BRCA1: variants seen among roughly 807,000 people sequenced by gnomAD.
The protein encoded by BRCA1 is BRCA1 DNA repair associated.
Under a neutral mutation model 173.7 loss-of-function variants are expected in BRCA1, and 140 were observed. That is an observed-to-expected ratio of 0.81 (90% CI 0.70 to 0.93). The LOEUF (loss-of-function observed/expected upper bound fraction) is 0.93. BRCA1 is among the 40% of genes least tolerant of loss of function. The pLI, the probability that BRCA1 is intolerant of heterozygous loss-of-function variation, is 0.00. For missense variants in BRCA1, 1,983 were observed against 2,172.5 expected, an observed-to-expected ratio of 0.91 and a Z score of 1.73; for synonymous variants, 662 against 756.0, an observed-to-expected ratio of 0.88 and a Z score of 2.04.
Position 43,093,609 on chromosome 17 carries a change from A to G in BRCA1, c.1922T>C (p.Ile641Thr), listed in dbSNP as rs730881474. The change falls in exon 10 of 23, where the codon ATT (isoleucine) becomes ACT (threonine). Residue 641 changes from isoleucine to threonine, a missense_variant. Coordinates refer to ENST00000357654, the MANE Select transcript of BRCA1 (RefSeq NM_007294.4). ...LSPPNCTELQ[I>T]DSCSSSEEIK... ...CTCTTCACTGCTAGAACAACTATCA[A>G]TTTGCAATTCAGTACAATTAGGTGG... 14 of 1,613,838 alleles carry G rather than the reference A, an allele frequency of 8.7e-6. No homozygotes were observed. Among genetic ancestry groups the G allele is most frequent in the Non-Finnish European group, 1.1e-5 (13 of 1,179,990 alleles).
At chr17:43,070,579 G>GACA (rs370041241) in intron 15 of BRCA1, among the ~76,000 whole-genome samples, 17 of 152,304 alleles carry the variant, frequency 1.1e-4, no homozygotes, top group African/African-American at 4.1e-4. Context: ...ACCCATGTGA[G>GACA]ACAAGGGGGA....
chr17:43,097,169 A>G, intron 8 of BRCA1, 75 bp downstream of exon 8: 1 of 1,397,230 alleles, frequency 7.2e-7, no homozygotes, highest in Non-Finnish European at 1.0e-6. Flanking sequence ...TTTTAAAAAG[A>G]GAGAAACATC....
chr17:43,126,984 C>T (rs1394233992), upstream of BRCA1, among the ~76,000 whole-genome samples: 8 of 152,180 alleles, frequency 5.3e-5, no homozygotes, highest in East Asian at 3.9e-4. Flanking sequence ...GCAGAGGGTG[C>T]GCCGGGTCCC....
chr17:43,052,780 A>AACACACACAC (rs562562021), intron 19 of BRCA1, among the ~76,000 whole-genome samples: 95 of 118,078 alleles, frequency 8.0e-4, no homozygotes, highest in African/African-American at 2.4e-3. Context: ...GACGGACAGA[A>AACACACACAC]ACACACACAC....
chr17:43,157,783 G>T (rs1408746424), intron 1 of BRCA1, among the ~76,000 whole-genome samples: 2 of 152,018 alleles, frequency 1.3e-5, no homozygotes, highest in Admixed American at 6.6e-5. Flanking sequence ...GATCACCTGA[G>T]GCTGGGAGTT....
rs67060599 is a variant in BRCA1, at chr17:43,103,085, A to G, written c.441+1037T>C. 0.3 allele frequency among the ~76,000 whole-genome samples: 45,384 copies of G among 151,706 alleles called. 7,293 individuals are homozygous for G. The highest frequency in any genetic ancestry group is 0.49 in the South Asian group (2,362 of 4,806). On this transcript the variant is annotated intron_variant, in intron 6 of 22. Coordinates refer to ENST00000357654, the MANE Select transcript of BRCA1 (RefSeq NM_007294.4). The stretch of plus-strand genomic sequence containing the variant: ...GGCACCCAGCTGAAGTAATTTCCAA[A>G]TGCTTAAAAATATCAGTGACCTTAT...
chr17:43,100,685 A>G (rs1188672526), intron 6 of BRCA1, among the ~76,000 whole-genome samples: 8 of 10,194 alleles, frequency 7.8e-4, no homozygotes, highest in East Asian at 6.8e-3. Context: ...TATAATATAT[A>G]TATATATATA....
In BRCA1 at chr17:43,082,576, C is replaced by T. The variant is rs397509150; in HGVS notation, c.4186-1G>A. ...GGTTATGTTGCATGGTATCCCTCTG[C>T]TTCAAAAACGATAAATGGCACCAAG... On this transcript the variant is annotated splice_acceptor_variant, in intron 11 of 22. Coordinates refer to ENST00000357654, the MANE Select transcript of BRCA1 (RefSeq NM_007294.4). LOFTEE classifies it high-confidence loss of function. 1 of 1,614,056 alleles carries T rather than the reference C, an allele frequency of 6.2e-7. No homozygotes were observed. Among genetic ancestry groups the T allele is most frequent in the Non-Finnish European group, 8.5e-7 (1 of 1,179,988 alleles).
At chr17:43,123,053 T>C (rs2055652708) in intron 2 of BRCA1, among the ~76,000 whole-genome samples, 1 of 139,012 alleles carries the variant, frequency 7.2e-6, no homozygotes, top group African/African-American at 2.5e-5. Flanking sequence ...CAAGACTCCA[T>C]CTCAAAAAAA....
rs768092833 is a variant in BRCA1 at position 43,090,905 on chromosome 17, CCACACACACGCATGTGCA to C, written c.4185+21_4185+38del. 8 of 1,549,540 alleles carry C rather than the reference CCACACACACGCATGTGCA, an allele frequency of 5.2e-6. No homozygotes were observed. The highest frequency in any genetic ancestry group is 1.2e-5 in the South Asian group (1 of 86,760). ...TACATACTACTGAATGCAAAGGACA[CCACACACACGCATGTGCA>C]CACACACACACGCTTTTTACCTGAG... On this transcript the variant is annotated intron_variant, in intron 11 of 22. Coordinates refer to ENST00000357654, the MANE Select transcript of BRCA1 (RefSeq NM_007294.4).
At chr17:43,107,399 T>C (rs867564587) in intron 3 of BRCA1, among the ~76,000 whole-genome samples, 4 of 149,720 alleles carry the variant, frequency 2.7e-5, no homozygotes, top group Middle Eastern at 3.5e-3. Flanking sequence ...TTTTTTTTTT[T>C]TGAGACAGAC....
intron 6 of BRCA1, among the ~76,000 whole-genome samples, chr17:43,103,234 A>G (rs1032049154): frequency 6.6e-6 from 1 of 152,098 alleles, no homozygotes; most frequent in Admixed American, 6.5e-5. Context: ...TGGGAGGCCA[A>G]GGAGGGTGGA....
At chr17:43,128,832 T>TC (rs377744928), upstream of BRCA1, among the ~76,000 whole-genome samples, 42 of 151,740 alleles carry the variant, frequency 2.8e-4, no homozygotes, top group African/African-American at 4.4e-4. Context: ...TTTTTTTTTT[T>TC]CGAGACAAAG....
chr17:43,158,231 C>CCACA lies in BRCA1; in HGVS notation c.-20+11891_-20+11894dup, dbSNP rs2056210334. On this transcript the variant is annotated intron_variant, in intron 1 of 7. Transcript: ENST00000634433. ...ATGTAATGATAAATGGATCCAAATG[C>CCACA]CACACTATTGAGGATTTTTTTGATC... Among the ~76,000 whole-genome samples, 2 of 152,102 alleles carry CCACA rather than the reference C, an allele frequency of 1.3e-5. 1 individual carries two copies. The highest frequency in any genetic ancestry group is 1.3e-4 in the Admixed American group (2 of 15,264).
chr17:43,100,090 G>A (rs1199878106), intron 6 of BRCA1, among the ~76,000 whole-genome samples: 1 of 152,196 alleles, frequency 6.6e-6, no homozygotes, highest in Non-Finnish European at 1.5e-5. Context: ...AGCACTTTGG[G>A]AGGCTGGAGC....
intron 1 of BRCA1, chr17:43,131,263 A>G: frequency 2.6e-6 from 1 of 385,292 alleles, no homozygotes; most frequent in South Asian, 2.1e-5. Context: ...GATGAGGAAG[A>G]TGAAGAGGTA....
intron 21 of BRCA1, among the ~76,000 whole-genome samples, chr17:43,048,264 G>A (rs1023682087): frequency 1.3e-5 from 2 of 152,086 alleles, no homozygotes; most frequent in South Asian, 2.1e-4. Context: ...GTGCAGTGGC[G>A]CGATCTTGGC....
At position 43,122,889 on chromosome 17, in the gene BRCA1, G is replaced by A. The variant is rs799903; in HGVS notation, c.80+1128C>T. Reference sequence around the variant, plus strand: ...GTGAAATCCCGCCTCTACTAAAAAAGAAAAAAAAATACAAAAAATTAGCCG... The same window carrying A: ...GTGAAATCCCGCCTCTACTAAAAAAAAAAAAAAAATACAAAAAATTAGCCG... On this transcript the variant is annotated intron_variant, in intron 2 of 22. Coordinates refer to ENST00000357654, the MANE Select transcript of BRCA1 (RefSeq NM_007294.4). Among the ~76,000 whole-genome samples, 71,359 of 148,194 alleles carry A rather than the reference G, an allele frequency of 0.48. 20,001 individuals are homozygous for A. Among genetic ancestry groups the A allele is most frequent in the African/African-American group, 0.8 (32,048 of 40,084 alleles).
At chr17:43,084,221 G>T (rs552246630) in intron 11 of BRCA1, among the ~76,000 whole-genome samples, 85 of 152,254 alleles carry the variant, frequency 5.6e-4, no homozygotes, top group Middle Eastern at 3.4e-3. Flanking sequence ...TAGTAGAAAT[G>T]GTGTTTCACC....
Sources: allele counts gnomAD v4.1 joint callset (sites outside exome capture counted in the v4.1 genomes callset), GRCh38; gene constraint gnomAD v4.1.1; transcripts MANE v1.5; gene names NCBI Gene and HGNC (gene_info 2026-07-23, HGNC 2026-07-21).